CCDC39: variants seen among roughly 807,000 people sequenced by gnomAD.
CCDC39 encodes coiled-coil domain 39 molecular ruler complex subunit.
In CCDC39, 113 loss-of-function variants were observed where a neutral mutation model predicts 121.0. The observed-to-expected ratio is 0.93, with a 90% CI of 0.80 to 1.09. The LOEUF (loss-of-function observed/expected upper bound fraction) is 1.09. Ranked by LOEUF, CCDC39 falls within the 50% of genes least tolerant of loss-of-function variation. CCDC39 has a pLI of 0.00. For missense variants in CCDC39, 1,063 were observed against 1,074.7 expected (o/e 0.99, Z 0.15); for synonymous variants, 349 against 352.2 (o/e 0.99, Z 0.10).
chr3:180,616,375 T>G lies in CCDC39; in HGVS notation c.2587-12A>C, dbSNP rs1306437580. 22 of 1,604,150 alleles carry G rather than the reference T, an allele frequency of 1.4e-5. No homozygotes were observed. Among genetic ancestry groups the G allele is most frequent in the African/African-American group, 4.0e-5 (3 of 74,644 alleles). The stretch of plus-strand genomic sequence containing the variant: ...AGTTCTAACCCACTCTGGAGGAATA[T>G]TCAATAGCAATCATTAGTACTACCT... On this transcript the variant is annotated splice_polypyrimidine_tract_variant and intron_variant, in intron 18 of 19. Transcript: ENST00000476379.
At chr3:180,673,838 G>T (rs1030850110) in intron 1 of CCDC39, among the ~76,000 whole-genome samples, 1 of 151,722 alleles carries the variant, frequency 6.6e-6, no homozygotes, top group African/African-American at 2.4e-5. Flanking sequence ...GGGGCAGAAG[G>T]AATAGAAGAG....
chr3:180,667,645 C>T (rs1711921842), intron 1 of CCDC39, among the ~76,000 whole-genome samples: 1 of 151,948 alleles, frequency 6.6e-6, no homozygotes, highest in Non-Finnish European at 1.5e-5. Flanking sequence ...ATCAGGCCTC[C>T]CTCATCTCTC....
intron 3 of CCDC39, among the ~76,000 whole-genome samples, chr3:180,661,131 G>T (rs1711732002): frequency 1.3e-5 from 2 of 151,892 alleles, no homozygotes; most frequent in Admixed American, 1.3e-4. Flanking sequence ...GTATCCTTCA[G>T]CCCCATTTCC....
intron 13 of CCDC39, among the ~76,000 whole-genome samples, chr3:180,632,215 A>G (rs560800646): frequency 6.6e-6 from 1 of 152,320 alleles, no homozygotes; most frequent in South Asian, 2.1e-4. Context: ...AGATAGTCCA[A>G]ACAGGGCGGT....
chr3:180,651,543 G>A lies in CCDC39; in HGVS notation c.1035-10C>T. 6.6e-7 allele frequency: 1 copy of A among 1,505,584 alleles called. No homozygotes were observed. Among genetic ancestry groups the A allele is most frequent in the Admixed American group, 2.6e-5 (1 of 39,052 alleles). 93.3% of individuals were successfully genotyped at this position (1,505,584 alleles called of 1,614,324 possible). A position where few individuals can be genotyped will look rare whatever the true frequency, so the allele number is the denominator to read the frequency against. ...TTTAGTTTTTTGTAACCTGAAGAGG[G>A]TTTATCACAAAAAGATAGAAAACGT... is the stretch of plus-strand genomic sequence containing the variant. On this transcript the variant is annotated splice_polypyrimidine_tract_variant and intron_variant, in intron 8 of 19. Coordinates refer to ENST00000476379, the MANE Select transcript of CCDC39 (RefSeq NM_181426.2).
chr3:180,632,499 T>C (rs1241777138), intron 13 of CCDC39, among the ~76,000 whole-genome samples: 2 of 152,160 alleles, frequency 1.3e-5, no homozygotes, highest in Non-Finnish European at 2.9e-5. Context: ...AGTTACAGTT[T>C]TTCTTATTTT....
chr3:180,654,688 A>C, intron 7 of CCDC39, 74 bp downstream of exon 7: 1 of 1,011,164 alleles, frequency 9.9e-7, no homozygotes, highest in Non-Finnish European at 1.4e-6. Context: ...TCACAGGAAA[A>C]GCTTTATGCT....
chr3:180,650,438 AAAAC>A (rs748339690), intron 9 of CCDC39, among the ~76,000 whole-genome samples: 6 of 152,232 alleles, frequency 3.9e-5, no homozygotes, highest in Non-Finnish European at 8.8e-5. Flanking sequence ...AATCAGTTGT[AAAAC>A]AAAGCCACTT....
chr3:180,639,373 G>C (rs1421440891), intron 13 of CCDC39, among the ~76,000 whole-genome samples: 1 of 152,032 alleles, frequency 6.6e-6, no homozygotes, highest in Non-Finnish European at 1.5e-5. Flanking sequence ...ACTGGAAGCA[G>C]CCTAAATGCC....
chr3:180,674,407 A>G (rs13090831), intron 1 of CCDC39, among the ~76,000 whole-genome samples: 38,525 of 151,816 alleles, frequency 0.25, 5,592 homozygotes, highest in East Asian at 0.39. Flanking sequence ...CTAGATATAC[A>G]ATCATGTCAT....
chr3:180,652,311 C>T, intron 7 of CCDC39, 45 bp from the exon 8 acceptor site: 1 of 1,120,504 alleles, frequency 8.9e-7, no homozygotes, highest in African/African-American at 1.6e-5. Flanking sequence ...TACTCTGTAT[C>T]TTATAACTTA....
chr3:180,649,676 T>C (rs1718152096), intron 9 of CCDC39, among the ~76,000 whole-genome samples: 1 of 151,940 alleles, frequency 6.6e-6, no homozygotes. Context: ...CCAACAGCAA[T>C]GAAAAAACCC....
At chr3:180,670,833 G>C (rs560240314) in intron 1 of CCDC39, among the ~76,000 whole-genome samples, 5 of 152,140 alleles carry the variant, frequency 3.3e-5, no homozygotes, top group African/African-American at 1.2e-4. Flanking sequence ...GCTAAAGCAG[G>C]GATGAAGGGG....
intron 13 of CCDC39, among the ~76,000 whole-genome samples, chr3:180,640,182 T>C (rs1451761928): frequency 6.6e-6 from 1 of 152,006 alleles, no homozygotes; most frequent in Non-Finnish European, 1.5e-5. Context: ...TCAAAACCTA[T>C]CAAATGTACA....
chr3:180,643,646 C>T (rs74995679), intron 12 of CCDC39, among the ~76,000 whole-genome samples: 1,546 of 152,134 alleles, frequency 0.01, 26 homozygotes, highest in African/African-American at 0.035. Flanking sequence ...TGTTTCAAGA[C>T]GCTAAAAATA....
At chr3:180,653,190 C>T (rs1711512088) in intron 7 of CCDC39, among the ~76,000 whole-genome samples, 3 of 152,082 alleles carry the variant, frequency 2.0e-5, no homozygotes, top group South Asian at 4.1e-4. Flanking sequence ...CATATTTGCC[C>T]AATAACAAGA....
chr3:180,630,900 T>C (rs1393307398), intron 14 of CCDC39, among the ~76,000 whole-genome samples: 1 of 152,116 alleles, frequency 6.6e-6, no homozygotes, highest in Non-Finnish European at 1.5e-5. Flanking sequence ...ACTCTAATGG[T>C]AAACTGGAGT....
At position 180,616,352 on chromosome 3, in the gene CCDC39, T is replaced by G. The variant is rs774318510; in HGVS notation, c.2598A>C (p.Glu866Asp). 9.9e-6 allele frequency: 16 copies of G among 1,612,278 alleles called. No homozygotes were observed. The highest frequency in any genetic ancestry group is 2.2e-5 in the East Asian group (1 of 44,884). Residue 866 changes from glutamate to aspartate, a missense_variant, in exon 19 of 20, where the codon GAA becomes GAC. Transcript: ENST00000476379. ...TGCCTTTTGTGCTAGCTGTAGGTAG[T>G]TCTAACCCACTCTGGAGGAATATTC... ...LQTYFQQSGLELPTASTKGSR... is the reference protein window; with the variant it reads ...LQTYFQQSGLDLPTASTKGSR...
chr3:180,636,300 T>C (rs1297578403), intron 13 of CCDC39, among the ~76,000 whole-genome samples: 1 of 152,114 alleles, frequency 6.6e-6, no homozygotes, highest in Admixed American at 6.5e-5. Context: ...AGCATTCCTA[T>C]ACACCAATAA....
Sources: allele counts gnomAD v4.1 joint callset (sites outside exome capture counted in the v4.1 genomes callset), GRCh38; gene constraint gnomAD v4.1.1; transcripts MANE v1.5; gene names NCBI Gene and HGNC (gene_info 2026-07-23, HGNC 2026-07-21).